ELOVL5: variants seen among roughly 807,000 people sequenced by gnomAD.
The protein encoded by ELOVL5 is ELOVL fatty acid elongase 5, also known as very long chain fatty acid elongase 5.
In ELOVL5, 8 loss-of-function variants were observed where a neutral mutation model predicts 38.6. That is an observed-to-expected ratio of 0.21 (90% confidence interval 0.12 to 0.37). ELOVL5 has a LOEUF of 0.37. Among genes scored for constraint, ELOVL5 ranks in the 10% least tolerant of loss-of-function variants. The pLI is 1.00. For missense variants in ELOVL5, 280 were observed against 367.8 expected, an observed-to-expected ratio of 0.76 and a Z score of 1.95; for synonymous variants, 127 against 133.7, an observed-to-expected ratio of 0.95 and a Z score of 0.34.
At chr6:53,270,548 G>A (rs1332244516) in intron 7 of ELOVL5, 45 bp downstream of exon 7, 23 of 1,601,514 alleles carry the variant, frequency 1.4e-5, no homozygotes, top group Non-Finnish European at 2.0e-5. Context: ...GGCCTTTGTT[G>A]GTAAAGGCCC....
At chr6:53,275,670 G>A (rs1766084155) in intron 4 of ELOVL5, among the ~76,000 whole-genome samples, 1 of 152,292 alleles carries the variant, frequency 6.6e-6, no homozygotes. Context: ...CAGCCGACCT[G>A]ATAAGTGACA....
At chr6:53,287,788 G>GTTC in intron 3 of ELOVL5, 1 of 1,346,888 alleles carries the variant, frequency 7.4e-7, no homozygotes, top group South Asian at 1.2e-5. Flanking sequence ...CTCCTTCTGA[G>GTTC]GAAAGGAGCC....
intron 1 of ELOVL5, among the ~76,000 whole-genome samples, chr6:53,305,888 C>T (rs1420139915): frequency 2.0e-5 from 3 of 152,138 alleles, no homozygotes; most frequent in Non-Finnish European, 2.9e-5. Flanking sequence ...GCCGAGATCA[C>T]GCCACTGCAC....
At chr6:53,273,539 A>C (rs1766002443) in intron 5 of ELOVL5, among the ~76,000 whole-genome samples, 195 bp from the exon 6 acceptor site, 1 of 152,234 alleles carries the variant, frequency 6.6e-6, no homozygotes, top group African/African-American at 2.4e-5. Flanking sequence ...GCAGGCAGCC[A>C]CCAGGAGGCT....
chr6:53,302,087 G>A (rs571069257), intron 1 of ELOVL5, among the ~76,000 whole-genome samples: 2 of 151,988 alleles, frequency 1.3e-5, no homozygotes, highest in East Asian at 1.9e-4. Context: ...GCCTGAATTC[G>A]AGAGAAAGAC....
intron 6 of ELOVL5, among the ~76,000 whole-genome samples, chr6:53,271,726 C>G (rs1017552463): frequency 1.4e-4 from 21 of 152,132 alleles, no homozygotes; most frequent in African/African-American, 5.1e-4. Flanking sequence ...CCCGAGTGAC[C>G]GGGACTCCAA....
At chr6:53,321,160 G>T (rs1456645675) in intron 1 of ELOVL5, among the ~76,000 whole-genome samples, 1 of 152,214 alleles carries the variant, frequency 6.6e-6, no homozygotes, top group Non-Finnish European at 1.5e-5. Context: ...TATGAAGCAA[G>T]AGGTCATACT....
Position 53,269,016 on chromosome 6 carries a change from A to G in ELOVL5, c.*111T>C, listed in dbSNP as rs1378662006. On this transcript the variant is annotated 3_prime_UTR_variant, in exon 8 of 8. Coordinates refer to ENST00000304434, the MANE Select transcript of ELOVL5 (RefSeq NM_021814.5). ...TGATGAAAGAAGTCCTACATGAATC[A>G]CACTATTGTAGGCCAGACTAGTTAC... The G allele has an allele frequency of 1.1e-5, 14 of 1,240,446 alleles. No homozygotes were observed. Among genetic ancestry groups the G allele is most frequent in the African/African-American group, 1.5e-5 (1 of 66,196 alleles). The allele number at this position is 1,240,446 out of a possible 1,614,324, so 76.8% of individuals were successfully genotyped here. A position where few individuals can be genotyped will look rare whatever the true frequency, so the allele number is the denominator to read the frequency against.
At chr6:53,272,259 GGCCTATT>G (rs1365429100) in intron 6 of ELOVL5, among the ~76,000 whole-genome samples, 1 of 152,132 alleles carries the variant, frequency 6.6e-6, no homozygotes, top group East Asian at 1.9e-4. Flanking sequence ...AGCTAGCTTT[GGCCTATT>G]GACTCAGTGT....
chr6:53,297,350 G>A (rs1018088543), intron 1 of ELOVL5, among the ~76,000 whole-genome samples: 4 of 152,202 alleles, frequency 2.6e-5, no homozygotes, highest in African/African-American at 7.2e-5. Context: ...AATCAACCAT[G>A]GTCTGAAAAT....
intron 1 of ELOVL5, among the ~76,000 whole-genome samples, chr6:53,316,694 G>C (rs1323658763): frequency 6.6e-6 from 1 of 151,274 alleles, no homozygotes; most frequent in Non-Finnish European, 1.5e-5. Context: ...GTCCAGGGTG[G>C]GCAAGGTGAG....
intron 3 of ELOVL5, among the ~76,000 whole-genome samples, chr6:53,285,318 T>C (rs943208797): frequency 6.6e-6 from 1 of 152,234 alleles, no homozygotes. Context: ...AGCCATAACA[T>C]TCCCTTAAGC....
intron 6 of ELOVL5, among the ~76,000 whole-genome samples, chr6:53,272,860 C>T (rs1446233978): frequency 6.6e-6 from 1 of 152,134 alleles, no homozygotes; most frequent in Non-Finnish European, 1.5e-5. Context: ...TTCTAAAACC[C>T]CTGGAAACAT....
intron 7 of ELOVL5, among the ~76,000 whole-genome samples, chr6:53,270,008 T>A (rs1334034147): frequency 1.3e-5 from 2 of 152,212 alleles, no homozygotes; most frequent in South Asian, 4.1e-4. Context: ...GCAGGACACA[T>A]GTCATCTGGG....
chr6:53,294,419 G>T, intron 2 of ELOVL5: 2 of 1,550,852 alleles, frequency 1.3e-6, no homozygotes, highest in Non-Finnish European at 1.7e-6. Context: ...TGAATGTGCT[G>T]CTTGGAGCTG....
At chr6:53,328,982 T>C (rs1018312588) in intron 1 of ELOVL5, among the ~76,000 whole-genome samples, 9 of 152,254 alleles carry the variant, frequency 5.9e-5, no homozygotes, top group African/African-American at 1.9e-4. Flanking sequence ...TATGTTCATT[T>C]GATAAAAAGA....
chr6:53,343,931 G>C (rs1375696649), intron 1 of ELOVL5, among the ~76,000 whole-genome samples: 1 of 152,212 alleles, frequency 6.6e-6, no homozygotes, highest in African/African-American at 2.4e-5. Flanking sequence ...CACCACCTTT[G>C]GTAACATTGG....
intron 1 of ELOVL5, among the ~76,000 whole-genome samples, chr6:53,309,817 C>T (rs1767755639): frequency 6.6e-6 from 1 of 152,210 alleles, no homozygotes; most frequent in African/African-American, 2.4e-5. Flanking sequence ...CACCTGCCAA[C>T]AGCCACCTGA....
chr6:53,285,126 A>G (rs151202157), intron 3 of ELOVL5, among the ~76,000 whole-genome samples: 211 of 152,364 alleles, frequency 1.4e-3, no homozygotes, highest in Middle Eastern at 3.4e-3. Flanking sequence ...TGAGGAAGGC[A>G]GGTGGAAAGC....
Sources: allele counts gnomAD v4.1 joint callset (sites outside exome capture counted in the v4.1 genomes callset), GRCh38; gene constraint gnomAD v4.1.1; transcripts MANE v1.5; gene names NCBI Gene and HGNC (gene_info 2026-07-23, HGNC 2026-07-21).